Variants in MYH7 observed in about 807,000 individuals in gnomAD.
MYH7 encodes the protein myosin heavy chain 7.
A neutral mutation model predicts 225.4 loss-of-function variants in MYH7; 129 were observed. The ratio of observed to expected loss-of-function variants is 0.57; its 90% CI spans 0.50 to 0.66. The LOEUF is 0.66. Among genes scored for constraint, MYH7 ranks in the 30% least tolerant of loss-of-function variants. The pLI, the probability that MYH7 is intolerant of heterozygous loss-of-function variation, is 0.00. For missense variants in MYH7, 1,649 were observed against 2,517.0 expected, an observed-to-expected ratio of 0.66 and a Z score of 7.38; for synonymous variants, 971 against 1,007.6, an observed-to-expected ratio of 0.96 and a Z score of 0.69.
chr14:23,430,785 T>C, intron 10 of MYH7, 116 bp downstream of exon 10: 1 of 1,263,218 alleles, frequency 7.9e-7, no homozygotes, highest in South Asian at 1.2e-5. Flanking sequence ...CACATCCCAC[T>C]GAATTGAATC....
At chr14:23,428,892 A>T (rs1892805112) in intron 14 of MYH7, 63 bp downstream of exon 14, 2 of 1,612,622 alleles carry the variant, frequency 1.2e-6, no homozygotes, top group Middle Eastern at 1.8e-4. Flanking sequence ...CTCTAAGCAA[A>T]TAGCTGTTGA....
intron 29 of MYH7, among the ~76,000 whole-genome samples, chr14:23,418,910 C>G (rs1368490404): frequency 1.3e-5 from 2 of 152,178 alleles, no homozygotes; most frequent in Admixed American, 6.5e-5. Flanking sequence ...CTAGCCGTGC[C>G]CGGGCAAGGC....
intron 17 of MYH7, 143 bp from the exon 18 acceptor site, chr14:23,427,007 G>T: frequency 3.5e-6 from 3 of 861,412 alleles, no homozygotes; most frequent in Non-Finnish European, 5.7e-6. Flanking sequence ...GGCAGACAGG[G>T]ATAAGGAGAG....
rs36211714 is a variant in MYH7 at position 23,425,347 on chromosome 14, C to T, written c.2358G>A (p.Thr786=). 669 of 1,614,164 alleles carry T rather than the reference C, an allele frequency of 4.1e-4. No homozygotes were observed. Among genetic ancestry groups the T allele is most frequent in the East Asian group, 6.7e-5 (3 of 44,870 alleles). The part of the protein sequence containing the change: ...MRDERLSRII[T]RIQAQSRGVL... ...CACCTCGGGACTGGGCCTGGATACG[C>T]GTGATGATGCGGCTCAGCCTCTCGT... Residue 786 remains threonine (T), a synonymous_variant, in exon 21 of 40, where the codon ACG becomes ACA. Transcript: ENST00000355349. This position sits in a 1 kb window ranked among gnomAD's most constrained non-coding sequence, Gnocchi z 4.6.
chr14:23,416,501 C>T (rs1035408398), intron 33 of MYH7, among the ~76,000 whole-genome samples, 189 bp from the exon 34 acceptor site: 1 of 152,116 alleles, frequency 6.6e-6, no homozygotes, highest in African/African-American at 2.4e-5. Context: ...GATTCAGGCC[C>T]TCACAGGGGA....
chr14:23,430,825 A>T, intron 10 of MYH7, 76 bp downstream of exon 10: 1 of 1,332,956 alleles, frequency 7.5e-7, no homozygotes, highest in East Asian at 2.3e-5. Flanking sequence ...AGGGCATGCC[A>T]GCTGAGTCCA....
intron 25 of MYH7, chr14:23,421,768 TTCTTTAA>T: frequency 1.0e-6 from 1 of 985,464 alleles, no homozygotes; most frequent in African/African-American, 1.7e-5. Context: ...ATCCCCTGAC[TTCTTTAA>T]TGTGAGGGCA....
rs1892062575 is a variant in MYH7, at chr14:23,413,687, CG to C, written c.5790+71del. 8 of 1,601,716 alleles carry C rather than the reference CG, an allele frequency of 5.0e-6. No homozygotes were observed. The South Asian group carries it at 8.9e-5, about 18-fold the overall frequency. ...TGGAATAAATGAAAAGGAAGCATCC[CG>C]GGTTTGAGGGTGCTCTGTCTGGGTA... On this transcript the variant is annotated intron_variant, in intron 39 of 39. Coordinates refer to ENST00000355349, the MANE Select transcript of MYH7 (RefSeq NM_000257.4).
In MYH7 at chr14:23,417,322, C is replaced by T. The variant is rs2138645760; in HGVS notation, c.4354-4G>A. On this transcript the variant is annotated splice_region_variant and splice_polypyrimidine_tract_variant and intron_variant, in intron 31 of 39. Coordinates refer to ENST00000355349, the MANE Select transcript of MYH7 (RefSeq NM_000257.4). ...TCTGCTTCCACTCGGCCAGGATCTG[C>T]CCGGGGACAAGGCTCACTCTTCAGC... 6.2e-7 allele frequency: 1 copy of T among 1,613,600 alleles called. No individual in the cohort carries two copies. Among genetic ancestry groups the T allele is most frequent in the East Asian group, 2.2e-5 (1 of 44,882 alleles).
intron 2 of MYH7, 42 bp downstream of exon 2, chr14:23,434,152 G>T: frequency 9.5e-7 from 1 of 1,057,362 alleles, no homozygotes; most frequent in Non-Finnish European, 1.2e-6. Context: ...CTAATGCCCA[G>T]TCTTACTAGA....
At position 23,425,284 on chromosome 14, in the gene MYH7, A is replaced by T; in HGVS notation, c.2421T>A (p.Arg807=). ...AACCTCCTCTTGAGATCTCTCACCT[A>T]CGTTCCAGCAGCTTTTTGTACTCCA... ...ARMEYKKLLE[R]RDSLLVIQWN... Residue 807 remains arginine, a splice_region_variant and synonymous_variant, in exon 21 of 40, where the codon CGT becomes CGA. Transcript: ENST00000355349. This position sits in a 1 kb window ranked among gnomAD's most constrained non-coding sequence, Gnocchi z 4.6. 6.2e-7 allele frequency: 1 copy of T among 1,614,054 alleles called. No individual in the cohort carries two copies. The highest frequency in any genetic ancestry group is 8.5e-7 in the Non-Finnish European group (1 of 1,180,012).
intron 1 of MYH7, among the ~76,000 whole-genome samples, chr14:23,435,069 G>A (rs920297920): frequency 1.2e-4 from 18 of 152,020 alleles, no homozygotes; most frequent in Non-Finnish European, 1.0e-4. Context: ...CTACACCCCC[G>A]TGCCTGTGAG....
Position 23,433,326 on chromosome 14 carries a change from G to A in MYH7, c.202-99C>T. On this transcript the variant is annotated intron_variant, in intron 3 of 39. Coordinates refer to ENST00000355349, the MANE Select transcript of MYH7 (RefSeq NM_000257.4). This position sits in a 1 kb window ranked among gnomAD's most constrained non-coding sequence, Gnocchi z 4.1. ...TGAGTGACAGGGCAATAGTGCTCAA[G>A]AGAGAAGGAACCAGGATCTCACAGG... The A allele has an allele frequency of 6.4e-7, 1 of 1,565,590 alleles. No individual in the cohort carries two copies. Among genetic ancestry groups the A allele is most frequent in the Non-Finnish European group, 8.7e-7 (1 of 1,143,246 alleles).
At position 23,431,687 on chromosome 14, in the gene MYH7, C is replaced by T. The variant is rs1163735332; in HGVS notation, c.640-10G>A. ...GGTCCTCCAGGGTGCCCTGCAGAGGCCAAGAAGGAGGCAGGTGAGAGCTCT... is the reference window on the plus strand; with the variant it reads ...GGTCCTCCAGGGTGCCCTGCAGAGGTCAAGAAGGAGGCAGGTGAGAGCTCT... On this transcript the variant is annotated splice_polypyrimidine_tract_variant and intron_variant, in intron 7 of 39. Transcript: ENST00000355349. 2.5e-6 allele frequency: 4 copies of T among 1,614,244 alleles called. No homozygotes were observed. Among genetic ancestry groups the T allele is most frequent in the South Asian group, 2.2e-5 (2 of 91,086 alleles).
At chr14:23,413,728 G>T in intron 39 of MYH7, 31 bp downstream of exon 39, 2 of 1,612,984 alleles carry the variant, frequency 1.2e-6, no homozygotes, top group Non-Finnish European at 1.7e-6. Flanking sequence ...TGCTGTGGGG[G>T]TGACTAGCAA....
rs727503256 is a variant in MYH7, at chr14:23,425,016, A to G, written c.2432T>C (p.Leu811Pro). 1 of 1,614,192 alleles carries G rather than the reference A, an allele frequency of 6.2e-7. No individual in the cohort carries two copies. Among genetic ancestry groups the G allele is most frequent in the Non-Finnish European group, 8.5e-7 (1 of 1,180,040 alleles). The change falls in exon 22 of 40, where the codon CTG (leucine) becomes CCG (proline). Residue 811 changes from leucine to proline, a missense_variant. Leu to Pro is a moderately conservative substitution (Grantham distance 98, BLOSUM62 -3). This residue lies in a region of MYH7 where 36 missense variants were observed against 43.2 expected (regional missense o/e 0.83). Coordinates refer to ENST00000355349, the MANE Select transcript of MYH7 (RefSeq NM_000257.4). The surrounding 1 kb of genome is among the most constrained non-coding windows in gnomAD (Gnocchi z 4.6). Reference protein sequence around the residue: ...YKKLLERRDSLLVIQWNIRAF... With the variant: ...YKKLLERRDSPLVIQWNIRAF... ...CCGAATGTTCCACTGGATTACCAGC[A>G]GGGAGTCTCTGCAGGGGCCCATTGA... is the stretch of plus-strand genomic sequence containing the variant.
chr14:23,421,091 G>A (rs1277654925), intron 25 of MYH7, 43 bp from the exon 26 acceptor site: 13 of 1,448,254 alleles, frequency 9.0e-6, no homozygotes, highest in Admixed American at 3.4e-5. Context: ...GACTCGTGGG[G>A]CCTCAGGAGG....
rs397516225 is a variant in MYH7 at position 23,416,924 on chromosome 14, G to C, written c.4588C>G (p.Arg1530Gly). The C allele has an allele frequency of 1.2e-6, 2 of 1,614,182 alleles. No homozygotes were observed. The highest frequency in any genetic ancestry group is 1.7e-5 in the Admixed American group (1 of 60,020). Residue 1530 changes from arginine to glycine, a missense_variant, in exon 33 of 40, where the codon CGA becomes GGA. Around this residue, in one of 12 missense-constraint regions of MYH7, gnomAD observed 687 missense variants for 913.8 expected, o/e 0.75. Coordinates refer to ENST00000355349, the MANE Select transcript of MYH7 (RefSeq NM_000257.4). Reference protein sequence around the residue: ...GKTIHELEKVRKQLEAEKMEL... With the variant: ...GKTIHELEKVGKQLEAEKMEL... The stretch of plus-strand genomic sequence containing the variant: ...ATCTTCTCGGCCTCCAGCTGCTTTC[G>C]GACCTTCTCCAGCTCATGGATAGTC...
intron 16 of MYH7, 128 bp downstream of exon 16, chr14:23,427,457 A>G: frequency 6.8e-7 from 1 of 1,475,600 alleles, no homozygotes; most frequent in Non-Finnish European, 9.3e-7. Flanking sequence ...ACCCAGTTCC[A>G]TCCCACTGAG....
Sources: allele counts gnomAD v4.1 joint callset (sites outside exome capture counted in the v4.1 genomes callset), GRCh38; gene constraint gnomAD v4.1.1; regional missense constraint gnomAD v4.1.1; non-coding constraint Gnocchi (gnomAD v3.1); transcripts MANE v1.5; gene names NCBI Gene and HGNC (gene_info 2026-07-23, HGNC 2026-07-21).